Variants in MAP2K5 observed in about 807,000 individuals in gnomAD.
MAP2K5 encodes the protein dual specificity mitogen-activated protein kinase kinase 5.
In MAP2K5, 49 loss-of-function variants were observed where a neutral mutation model predicts 83.1. That is an observed-to-expected ratio of 0.59 (90% CI 0.47 to 0.75). The LOEUF (loss-of-function observed/expected upper bound fraction) is 0.75. MAP2K5 is among the 30% of genes least tolerant of loss of function. The pLI is 0.00. For missense variants in MAP2K5, 457 were observed against 557.5 expected (o/e 0.82, Z 1.82); for synonymous variants, 202 against 191.8 (o/e 1.05, Z -0.44).
At chr15:67,560,091 A>G (rs1447234708) in intron 2 of MAP2K5, among the ~76,000 whole-genome samples, 1 of 152,232 alleles carries the variant, frequency 6.6e-6, no homozygotes, top group East Asian at 1.9e-4. Flanking sequence ...TTGTTCAGAA[A>G]AGTATTTTAG....
chr15:67,560,892 T>C (rs534105870), intron 2 of MAP2K5, among the ~76,000 whole-genome samples: 2 of 152,338 alleles, frequency 1.3e-5, no homozygotes, highest in South Asian at 4.1e-4. Context: ...AAATGATTTT[T>C]ATGTAATCGG....
chr15:67,656,877 C>A (rs1353377853), intron 11 of MAP2K5, among the ~76,000 whole-genome samples: 1 of 152,158 alleles, frequency 6.6e-6, no homozygotes, highest in African/African-American at 2.4e-5. Context: ...TAAACCAACC[C>A]CTTCTGCCAT....
intron 5 of MAP2K5, among the ~76,000 whole-genome samples, chr15:67,586,261 T>A (rs931426988): frequency 6.6e-6 from 1 of 152,196 alleles, no homozygotes; most frequent in Admixed American, 6.5e-5. Flanking sequence ...CATAAGCATA[T>A]TGCACATGGA....
intron 7 of MAP2K5, among the ~76,000 whole-genome samples, chr15:67,594,590 A>G (rs2085483815): frequency 6.6e-6 from 1 of 152,220 alleles, no homozygotes; most frequent in Non-Finnish European, 1.5e-5. Flanking sequence ...AAAAATAAGC[A>G]GTCTCATAAT....
At chr15:67,586,939 C>T (rs780193753) in intron 6 of MAP2K5, 26 bp downstream of exon 6, 1 of 1,612,656 alleles carries the variant, frequency 6.2e-7, no homozygotes, top group South Asian at 1.1e-5. Context: ...TAAAGTGTGC[C>T]CTTGATGTGA....
At chr15:67,675,620 A>G (rs2087658754) in intron 13 of MAP2K5, among the ~76,000 whole-genome samples, 1 of 152,222 alleles carries the variant, frequency 6.6e-6, no homozygotes, top group Non-Finnish European at 1.5e-5. Flanking sequence ...TCTCTGTATT[A>G]TTTCTTACCA....
At chr15:67,697,576 A>G (rs140752928) in intron 15 of MAP2K5, among the ~76,000 whole-genome samples, 4 of 152,328 alleles carry the variant, frequency 2.6e-5, no homozygotes, top group South Asian at 2.1e-4. Flanking sequence ...TGCTCACTCT[A>G]TATATCCAGT....
intron 17 of MAP2K5, among the ~76,000 whole-genome samples, chr15:67,745,804 T>A (rs868868899): frequency 8.5e-5 from 13 of 152,248 alleles, no homozygotes; most frequent in Non-Finnish European, 1.0e-4. Context: ...CATCATCAAA[T>A]TCTTGTGAAA....
intron 17 of MAP2K5, among the ~76,000 whole-genome samples, chr15:67,732,621 C>T (rs1418416106): frequency 6.6e-6 from 1 of 151,894 alleles, no homozygotes; most frequent in Non-Finnish European, 1.5e-5. Flanking sequence ...GTTTTCACAC[C>T]CCATTAATTT....
At chr15:67,628,885 C>T (rs1231336927) in intron 8 of MAP2K5, 19 of 748,462 alleles carry the variant, frequency 2.5e-5, no homozygotes, top group Admixed American at 1.9e-4. Context: ...GATATGGCGG[C>T]AGTGGGGATG....
chr15:67,746,338 C>T lies in MAP2K5; in HGVS notation c.1075-1893C>T, dbSNP rs1464232180. 2.0e-5 allele frequency among the ~76,000 whole-genome samples: 3 copies of T among 152,072 alleles called. No individual in the cohort carries two copies. The highest frequency in any genetic ancestry group is 6.5e-5 in the Admixed American group (1 of 15,270). On this transcript the variant is annotated intron_variant, in intron 17 of 21. Coordinates refer to ENST00000178640, the MANE Select transcript of MAP2K5 (RefSeq NM_145160.3). The surrounding 1 kb of genome is among the most constrained non-coding windows in gnomAD (Gnocchi z 4.1). ...CTGACTCTTGGAAATTTGTGAAACACATTCTCTTTGATGTCAGAAATGGAT... is the reference window on the plus strand; with the variant it reads ...CTGACTCTTGGAAATTTGTGAAACATATTCTCTTTGATGTCAGAAATGGAT...
chr15:67,641,680 C>G, intron 9 of MAP2K5: 1 of 907,256 alleles, frequency 1.1e-6, no homozygotes, highest in Non-Finnish European at 1.3e-6. Flanking sequence ...TCTCACTTAA[C>G]CCTTTCTCCA....
At chr15:67,745,360 G>A (rs553904592) in intron 17 of MAP2K5, among the ~76,000 whole-genome samples, 1 of 152,310 alleles carries the variant, frequency 6.6e-6, no homozygotes, top group East Asian at 1.9e-4. Flanking sequence ...CATTCACAAA[G>A]CCAACATTTT....
intron 3 of MAP2K5, among the ~76,000 whole-genome samples, chr15:67,571,660 T>A (rs2084948960): frequency 6.6e-6 from 1 of 152,148 alleles, no homozygotes; most frequent in African/African-American, 2.4e-5. Flanking sequence ...TTAATTTTGA[T>A]CTTCTTAACA....
At chr15:67,544,691 C>T (rs2084358427) in intron 1 of MAP2K5, among the ~76,000 whole-genome samples, 2 of 152,188 alleles carry the variant, frequency 1.3e-5, no homozygotes, top group Non-Finnish European at 2.9e-5. Context: ...AAAAGCACAT[C>T]ACTACCTGCA....
intron 17 of MAP2K5, among the ~76,000 whole-genome samples, chr15:67,734,437 G>A (rs952812904): frequency 1.3e-5 from 2 of 151,940 alleles, no homozygotes; most frequent in Non-Finnish European, 1.5e-5. Context: ...ATTGTGCTCT[G>A]GATAGAGTAT....
chr15:67,549,147 A>T, intron 1 of MAP2K5: 1 of 1,535,622 alleles, frequency 6.5e-7, no homozygotes, highest in Non-Finnish European at 8.7e-7. Context: ...CTGGAGAGAA[A>T]TGAGGTTTGC....
At position 67,755,933 on chromosome 15, in the gene MAP2K5, T is replaced by C. The variant is rs1350454441; in HGVS notation, c.1134+7332T>C. Among the ~76,000 whole-genome samples, 1 of 152,214 alleles carries C rather than the reference T, an allele frequency of 6.6e-6. No homozygotes were observed. Among genetic ancestry groups the C allele is most frequent in the African/African-American group, 2.4e-5 (1 of 41,444 alleles). Reference sequence around the variant, plus strand: ...CAAGGATGCCCCTTCCTTGTCTTCTTGCTCATGACTCAATTGTCCACCCTC... The same window carrying C: ...CAAGGATGCCCCTTCCTTGTCTTCTCGCTCATGACTCAATTGTCCACCCTC... On this transcript the variant is annotated intron_variant, in intron 19 of 21. Coordinates refer to ENST00000178640, the MANE Select transcript of MAP2K5 (RefSeq NM_145160.3). This position sits in a 1 kb window ranked among gnomAD's most constrained non-coding sequence, Gnocchi z 4.7.
At chr15:67,745,164 A>G (rs1352095169) in intron 17 of MAP2K5, among the ~76,000 whole-genome samples, 1 of 152,254 alleles carries the variant, frequency 6.6e-6, no homozygotes, top group African/African-American at 2.4e-5. Flanking sequence ...CTAGTTAGAC[A>G]TAGAAAACAC....
Sources: gnomAD v4.1 joint callset for allele counts (sites outside exome capture counted in the v4.1 genomes callset) on GRCh38, gnomAD v4.1.1 for gene constraint, Gnocchi (gnomAD v3.1) non-coding constraint, MANE v1.5 for transcripts, NCBI Gene and HGNC (gene_info 2026-07-23, HGNC 2026-07-21) for gene names.